The following ZNF573 variants were observed in gnomAD, a reference collection of about 807,000 sequenced individuals.
ZNF573 encodes the protein zinc finger protein 573.
Under a neutral mutation model 57.4 loss-of-function variants are expected in ZNF573, and 41 were observed. The observed-to-expected ratio is 0.71, with a 90% confidence interval of 0.56 to 0.93. The LOEUF (loss-of-function observed/expected upper bound fraction) is 0.93, where lower values mean the gene tolerates loss of function less well. Ranked by LOEUF, ZNF573 falls within the 40% of genes least tolerant of loss-of-function variation. The probability of loss-of-function intolerance (pLI) is 0.00; values close to 1 mark genes in which losing one functional copy is unlikely to be tolerated. For missense variants in ZNF573, 730 were observed against 794.8 expected (o/e 0.92, Z 0.98); for synonymous variants, 249 against 261.0 (o/e 0.95, Z 0.44).
At chr19:37,773,617 C>A in intron 2 of ZNF573, 44 bp downstream of exon 2, 5 of 1,463,114 alleles carry the variant, frequency 3.4e-6, no homozygotes, top group Non-Finnish European at 3.7e-6. Context: ...ATCCACATAA[C>A]CTATGATCAT....
At chr19:37,741,231 TTATC>T (rs1321849214) in intron 4 of ZNF573, among the ~76,000 whole-genome samples, 1 of 151,828 alleles carries the variant, frequency 6.6e-6, no homozygotes, top group African/African-American at 2.4e-5. Flanking sequence ...CTCTCTATCT[TTATC>T]TGTCTGTTTA....
chr19:37,756,863 A>C (rs2045492639), intron 4 of ZNF573, among the ~76,000 whole-genome samples: 1 of 152,032 alleles, frequency 6.6e-6, no homozygotes, highest in Non-Finnish European at 1.5e-5. Flanking sequence ...ATATATAGCA[A>C]TGCTACTATA....
rs897151066 is a variant in ZNF573, at chr19:37,739,244, A to C, written c.1246T>G (p.Cys416Gly). The change falls in exon 5 of 5, where the codon TGC becomes GGC. Residue 416 changes from cysteine (C) to glycine (G), a missense_variant. Physicochemically the swap from Cys to Gly is radical, Grantham distance 159. Coordinates refer to ENST00000536220, the MANE Select transcript of ZNF573 (RefSeq NM_001172690.2). ...CTAAAGGCCTTTCCGCATTCCTTGCATTCATAGGGTTTCTCGCCAGTATGA... is the reference window on the plus strand; with the variant it reads ...CTAAAGGCCTTTCCGCATTCCTTGCCTTCATAGGGTTTCTCGCCAGTATGA... The part of the protein sequence containing the change: ...KTHTGEKPYE[C>G]KECGKAFSLY... 1 of 1,613,940 alleles carries C rather than the reference A, an allele frequency of 6.2e-7. No homozygotes were observed. The highest frequency in any genetic ancestry group is 1.3e-5 in the African/African-American group (1 of 74,920).
At chr19:37,753,603 C>T (rs1030775607) in intron 4 of ZNF573, among the ~76,000 whole-genome samples, 1 of 151,948 alleles carries the variant, frequency 6.6e-6, no homozygotes, top group Non-Finnish European at 1.5e-5. Context: ...TAAGATATTA[C>T]TCCAGAAAAG....
Position 37,738,764 on chromosome 19 carries a change from G to A in ZNF573, c.1726C>T (p.His576Tyr). 3 of 1,614,006 alleles carry A rather than the reference G, an allele frequency of 1.9e-6. No homozygotes were observed. The highest frequency in any genetic ancestry group is 2.5e-6 in the Non-Finnish European group (3 of 1,179,996). Residue 576 changes from histidine (H) to tyrosine (Y), a missense_variant, in exon 5 of 5, where the codon CAT (histidine) becomes TAT (tyrosine). His to Tyr is a moderately conservative substitution (Grantham distance 83). Coordinates refer to ENST00000536220, the MANE Select transcript of ZNF573 (RefSeq NM_001172690.2). ...CATTCATAGGGTTTTTTATCAGCATGAATGCTCTGATGTGCAGTAAGGTGT... is the reference window on the plus strand; with the variant it reads ...CATTCATAGGGTTTTTTATCAGCATAAATGCTCTGATGTGCAGTAAGGTGT... ...SSHLTAHQSI[H>Y]ADKKPYECKE... is the part of the protein sequence containing the mutation.
intron 4 of ZNF573, among the ~76,000 whole-genome samples, chr19:37,761,872 A>G (rs1032897960): frequency 6.6e-6 from 1 of 152,204 alleles, no homozygotes; most frequent in African/African-American, 2.4e-5. Flanking sequence ...ATCAATTTGT[A>G]TGCCTTTTCT....
At chr19:37,770,428 C>T (rs2045644433) in intron 3 of ZNF573, 1 of 205,702 alleles carries the variant, frequency 4.9e-6, no homozygotes, top group Non-Finnish European at 9.7e-6. Context: ...GGCCATGTGA[C>T]TTCAACTCAT....
chr19:37,749,286 A>C (rs2045411709), intron 4 of ZNF573, among the ~76,000 whole-genome samples: 1 of 151,750 alleles, frequency 6.6e-6, no homozygotes, highest in Non-Finnish European at 1.5e-5. Context: ...TATATTATAC[A>C]TTATACACAT....
intron 4 of ZNF573, among the ~76,000 whole-genome samples, chr19:37,754,034 C>T (rs895447682): frequency 3.9e-5 from 6 of 152,076 alleles, no homozygotes; most frequent in Non-Finnish European, 1.5e-5. Flanking sequence ...TGGGAACATA[C>T]AGCGACTACA....
chr19:37,750,795 T>C lies in ZNF573; in HGVS notation c.296-10601A>G, dbSNP rs529520076. On this transcript the variant is annotated intron_variant, in intron 4 of 4. Coordinates refer to ENST00000536220, the MANE Select transcript of ZNF573 (RefSeq NM_001172690.2). ...GCAGTGAGCCGAGATCACACTACTGTACTCCAACCCCAGATGACAGAGCAA... is the reference window on the plus strand; with the variant it reads ...GCAGTGAGCCGAGATCACACTACTGCACTCCAACCCCAGATGACAGAGCAA... Among the ~76,000 whole-genome samples the C allele has an allele frequency of 3.4e-5, 5 of 145,780 alleles. No individual in the cohort carries two copies. In the East Asian group the frequency reaches 1.0e-3, roughly 29 times the overall value.
intron 1 of ZNF573, among the ~76,000 whole-genome samples, chr19:37,774,805 T>C (rs1158613946): frequency 6.6e-6 from 1 of 152,184 alleles, no homozygotes; most frequent in Non-Finnish European, 1.5e-5. Context: ...AACATGATCA[T>C]ATGTTACCAT....
At chr19:37,763,561 C>CA (rs200953554) in intron 4 of ZNF573, among the ~76,000 whole-genome samples, 193 of 147,836 alleles carry the variant, frequency 1.3e-3, no homozygotes, top group African/African-American at 4.0e-3. Context: ...GAGACTGTCT[C>CA]AAAAAAAACA....
intron 1 of ZNF573, among the ~76,000 whole-genome samples, chr19:37,776,014 G>T (rs1258175433): frequency 6.6e-6 from 1 of 152,012 alleles, no homozygotes; most frequent in East Asian, 1.9e-4. Context: ...CACATCCCCC[G>T]CTCATGGATA....
chr19:37,769,813 T>C (rs1182162570), intron 4 of ZNF573, among the ~76,000 whole-genome samples, 192 bp downstream of exon 4: 1 of 151,322 alleles, frequency 6.6e-6, no homozygotes, highest in East Asian at 1.9e-4. Flanking sequence ...AATAAGGTGA[T>C]TGGTAAATGG....
Position 37,739,058 on chromosome 19 carries a change from C to G in ZNF573, c.1432G>C (p.Ala478Pro). 1 of 1,612,506 alleles carries G rather than the reference C, an allele frequency of 6.2e-7. No homozygotes were observed. Among genetic ancestry groups the G allele is most frequent in the Non-Finnish European group, 8.5e-7 (1 of 1,179,574 alleles). The change falls in exon 5 of 5, where the codon GCC (alanine) becomes CCC (proline). Residue 478 changes from alanine to proline, a missense_variant. Physicochemically the swap from Ala to Pro is conservative, Grantham distance 27. Coordinates refer to ENST00000536220, the MANE Select transcript of ZNF573 (RefSeq NM_001172690.2). The part of the protein sequence containing the change: ...KLFECQECGK[A>P]YSTGSNLIQH... ...ATAAGGTTTGAGCCAGTACTATAGG[C>G]CTTCCCACATTCCTGACATTCAAAA...
At chr19:37,746,682 C>A (rs571166757) in intron 4 of ZNF573, among the ~76,000 whole-genome samples, 1 of 152,074 alleles carries the variant, frequency 6.6e-6, no homozygotes, top group East Asian at 1.9e-4. Context: ...CGAGTTCAAG[C>A]GATTATCCTG....
intron 4 of ZNF573, among the ~76,000 whole-genome samples, chr19:37,741,120 C>A (rs1382852454): frequency 6.6e-6 from 1 of 152,190 alleles, no homozygotes; most frequent in Non-Finnish European, 1.5e-5. Context: ...GCTCAAGAGT[C>A]CTTGGACTTA....
intron 4 of ZNF573, among the ~76,000 whole-genome samples, chr19:37,764,050 C>T (rs920362921): frequency 7.4e-5 from 9 of 122,064 alleles, no homozygotes; most frequent in African/African-American, 2.2e-4. Context: ...GCGACAAGAG[C>T]GAAACTCTGC....
At chr19:37,771,477 T>A in intron 3 of ZNF573, 87 bp downstream of exon 3, 1 of 1,455,558 alleles carries the variant, frequency 6.9e-7, no homozygotes, top group Non-Finnish European at 9.3e-7. Flanking sequence ...TTCAACTATG[T>A]CTTGAAATAT....
Sources: allele counts gnomAD v4.1 joint callset (sites outside exome capture counted in the v4.1 genomes callset), GRCh38; gene constraint gnomAD v4.1.1; transcripts MANE v1.5; gene names NCBI Gene and HGNC (gene_info 2026-07-23, HGNC 2026-07-21).